Variants in ZNF534 observed in about 807,000 individuals in gnomAD.
The protein encoded by ZNF534 is KRAB domain only 3.
A neutral mutation model predicts 13.6 loss-of-function variants in ZNF534; 19 were observed. The ratio of observed to expected loss-of-function variants is 1.40; its 90% CI spans 0.97 to 2.05. The LOEUF (loss-of-function observed/expected upper bound fraction) is 2.05, where lower values mean the gene tolerates loss of function less well. Ranked by LOEUF, ZNF534 falls within the 30% of genes most tolerant of loss-of-function variation. The probability of loss-of-function intolerance (pLI) is 0.00; values close to 1 mark genes in which losing one functional copy is unlikely to be tolerated. For synonymous variants in ZNF534, 244 were observed against 273.8 expected (o/e 0.89, Z 1.07); for missense variants, 782 against 796.3 (o/e 0.98, Z 0.22).
chr19:52,451,708 T>C, exon 5 of ZNF534: 3 of 678,634 alleles, frequency 4.4e-6, no homozygotes, highest in South Asian at 1.8e-5. Context: ...AAGGTCTGGC[T>C]TGGCTGCAAA....
chr19:52,440,654 G>T lies in ZNF534; in HGVS notation c.*1208G>T, dbSNP rs2059166008. 6.9e-6 allele frequency among the ~76,000 whole-genome samples: 1 copy of T among 145,234 alleles called. No homozygotes were observed. The highest frequency in any genetic ancestry group is 7.1e-5 in the Admixed American group (1 of 14,112). The stretch of plus-strand genomic sequence containing the variant: ...AAAATAGCTGGGTGTGGTGGTGGGT[G>T]TCTGTAATCCCAGCTACTCAGGAGG... On this transcript the variant is annotated 3_prime_UTR_variant, in exon 5 of 5. Coordinates refer to ENST00000433050, the MANE Select transcript of ZNF534 (RefSeq NM_001143938.3).
downstream of ZNF534, among the ~76,000 whole-genome samples, chr19:52,445,715 T>TGATGATCCTCTGAAAACAAG (rs2059192265): frequency 3.6e-5 from 1 of 28,164 alleles, no homozygotes; most frequent in African/African-American, 9.1e-5. Flanking sequence ...CTTGGCTTCC[T>TGATGATCCTCTGAAAACAAG]AATTTACTCT....
At position 52,431,752 on chromosome 19, in the gene ZNF534, TGTG is replaced by T. The variant is rs201189034; in HGVS notation, c.15+267_15+269del. On this transcript the variant is annotated intron_variant, in intron 2 of 4. Transcript: ENST00000433050. ...ACGGATGGAGATGGGGTGTGGGCCT[TGTG>T]GTGTCAGTGCTGTTGGGCAGCAGGG... is the stretch of plus-strand genomic sequence containing the variant. 8.3e-3 allele frequency among the ~76,000 whole-genome samples: 1,262 copies of T among 152,102 alleles called. 22 individuals are homozygous for T. Among genetic ancestry groups the T allele is most frequent in the Middle Eastern group, 0.037 (11 of 294 alleles).
In ZNF534 at chr19:52,440,138, A is replaced by G. The variant is rs1325832179; in HGVS notation, c.*692A>G. ...AATATGGCAAAGAATTTCATATGAAATCATGCCTCTCTACCCATCTATTAA... is the reference window on the plus strand; with the variant it reads ...AATATGGCAAAGAATTTCATATGAAGTCATGCCTCTCTACCCATCTATTAA... On this transcript the variant is annotated 3_prime_UTR_variant, in exon 5 of 5. Coordinates refer to ENST00000433050, the MANE Select transcript of ZNF534 (RefSeq NM_001143938.3). Among the ~76,000 whole-genome samples, 1 of 152,160 alleles carries G rather than the reference A, an allele frequency of 6.6e-6. No individual in the cohort carries two copies. The highest frequency in any genetic ancestry group is 1.5e-5 in the Non-Finnish European group (1 of 68,036).
rs762611446 is a variant in ZNF534 at position 52,433,932 on chromosome 19, T to C, written c.16-23T>C. The stretch of plus-strand genomic sequence containing the variant: ...TAAGTACTCTCTCCATACCCTGTTT[T>C]TGAAATGTGGATTTCCTTTTAGGGG... On this transcript the variant is annotated intron_variant, in intron 2 of 4. Coordinates refer to ENST00000433050, the MANE Select transcript of ZNF534 (RefSeq NM_001143938.3). The C allele has an allele frequency of 1.5e-5, 25 of 1,613,556 alleles. No homozygotes were observed. The East Asian group carries it at 5.6e-4, about 36-fold the overall frequency.
chr19:52,448,834 A>T (rs2059203012), intron 4 of ZNF534, among the ~76,000 whole-genome samples: 1 of 152,234 alleles, frequency 6.6e-6, no homozygotes, highest in Admixed American at 6.5e-5. Context: ...TTAAATATCC[A>T]TCACCTCAAA....
intron 1 of ZNF534, among the ~76,000 whole-genome samples, chr19:52,430,483 A>T (rs1294375924): frequency 6.6e-6 from 1 of 152,086 alleles, no homozygotes; most frequent in Non-Finnish European, 1.5e-5. Context: ...AGAATTGAGC[A>T]CTGTGATCCA....
chr19:52,441,920 G>A lies in ZNF534; in HGVS notation c.*2474G>A, dbSNP rs2059175317. Among the ~76,000 whole-genome samples, 1 of 152,142 alleles carries A rather than the reference G, an allele frequency of 6.6e-6. No individual in the cohort carries two copies. Among genetic ancestry groups the A allele is most frequent in the South Asian group, 2.1e-4 (1 of 4,826 alleles). On this transcript the variant is annotated 3_prime_UTR_variant, in exon 5 of 5. Coordinates refer to ENST00000433050, the MANE Select transcript of ZNF534 (RefSeq NM_001143938.3). The stretch of plus-strand genomic sequence containing the variant: ...ATTCATGAAAGAGTCCTTACAAGCT[G>A]TGTACGGAAAGCTCGTCATGAGTTT...
In ZNF534 at chr19:52,439,396, A is replaced by C; in HGVS notation, c.1936A>C (p.Asn646His). ...CNECGKVFSKNSILVQHCSIH... is the reference protein window; with the variant it reads ...CNECGKVFSKHSILVQHCSIH... ...TGAATGTGGCAAGGTCTTTAGTAAA[A>C]ATTCCATCCTAGTACAACATTGCAG... The change falls in exon 5 of 5, where the codon AAT (asparagine) becomes CAT (histidine). Residue 646 changes from asparagine (N) to histidine (H), a missense_variant. Physicochemically the swap from Asn to His is moderately conservative, Grantham distance 68. Around this residue, in one of 5 missense-constraint regions of ZNF534, gnomAD observed 60 missense variants for 59.9 expected, o/e 1.00. Coordinates refer to ENST00000433050, the MANE Select transcript of ZNF534 (RefSeq NM_001143938.3). The C allele has an allele frequency of 6.5e-7, 1 of 1,549,692 alleles. No individual in the cohort carries two copies. Among genetic ancestry groups the C allele is most frequent in the Non-Finnish European group, 8.7e-7 (1 of 1,145,782 alleles).
chr19:52,434,103 A>G, intron 3 of ZNF534, 22 bp downstream of exon 3: 1 of 1,609,344 alleles, frequency 6.2e-7, no homozygotes, highest in Non-Finnish European at 8.5e-7. Flanking sequence ...GTCCGTCCAG[A>G]AGCCTGCATC....
chr19:52,450,691 G>T (rs7251506), intron 4 of ZNF534, among the ~76,000 whole-genome samples: 11,265 of 20,144 alleles, frequency 0.56, 2,849 homozygotes, highest in Non-Finnish European at 0.63. Context: ...TTTTGTTTTT[G>T]TTTTTGTTTT....
At chr19:52,445,004 A>G (rs1033228455), downstream of ZNF534, among the ~76,000 whole-genome samples, 2 of 152,090 alleles carry the variant, frequency 1.3e-5, no homozygotes, top group African/African-American at 4.8e-5. Context: ...ACGCTCTTCC[A>G]TGAGTTTTGG....
Position 52,441,643 on chromosome 19 carries a change from GC to G in ZNF534, c.*2198del. 6.6e-6 allele frequency among the ~76,000 whole-genome samples: 1 copy of G among 152,304 alleles called. No individual in the cohort carries two copies. The highest frequency in any genetic ancestry group is 1.5e-5 in the Non-Finnish European group (1 of 68,028). On this transcript the variant is annotated 3_prime_UTR_variant, in exon 5 of 5. Transcript: ENST00000433050. ...GACAAAGCATTTAGATAATGTTCAG[GC>G]TTTACTGCCCATCTTGTAATCCATA...
Position 52,439,432 on chromosome 19 carries a change from A to G in ZNF534, c.1972A>G (p.Arg658Gly). The G allele has an allele frequency of 6.6e-7, 1 of 1,517,790 alleles. No homozygotes were observed. Among genetic ancestry groups the G allele is most frequent in the Non-Finnish European group, 8.8e-7 (1 of 1,130,736 alleles). The allele number at this position is 1,517,790 out of a possible 1,614,324, so 94.0% of individuals were successfully genotyped here. The change falls in exon 5 of 5, where the codon AGA becomes GGA. Residue 658 changes from arginine (R) to glycine (G), a missense_variant. Physicochemically the swap from Arg to Gly is moderately radical, Grantham distance 125. This residue lies in a region of ZNF534 where 60 missense variants were observed against 59.9 expected (regional missense o/e 1.00). Coordinates refer to ENST00000433050, the MANE Select transcript of ZNF534 (RefSeq NM_001143938.3). ...ILVQHCSIHT[R>G]EKP ...AGTACAACATTGCAGTATTCATACC[A>G]GAGAGAAGCCTTAAAAATTTAGTGA...
intron 2 of ZNF534, among the ~76,000 whole-genome samples, chr19:52,433,041 G>C (rs1473635650): frequency 6.6e-6 from 1 of 151,856 alleles, no homozygotes; most frequent in African/African-American, 2.4e-5. Flanking sequence ...TTAGGCCTTT[G>C]AGACAAGCTT....
chr19:52,434,155 C>A (rs749197814), intron 3 of ZNF534, 74 bp downstream of exon 3: 1 of 1,562,990 alleles, frequency 6.4e-7, no homozygotes, highest in Admixed American at 2.0e-5. Context: ...GTGTGTCTCT[C>A]GGGAGCCCCT....
rs751552185 is a variant in ZNF534, at chr19:52,438,355, A to G, written c.895A>G (p.Lys299Glu). The G allele has an allele frequency of 6.2e-7, 1 of 1,613,420 alleles. No homozygotes were observed. Among genetic ancestry groups the G allele is most frequent in the South Asian group, 1.1e-5 (1 of 91,034 alleles). ...AATTCATACTGGAGAGAAGCCTTACAAATGTAGTGAATGTGGCAAAGCATT... is the reference window on the plus strand; with the variant it reads ...AATTCATACTGGAGAGAAGCCTTACGAATGTAGTGAATGTGGCAAAGCATT... Reference protein sequence around the residue: ...RKIHTGEKPYKCSECGKAFSV... With the variant: ...RKIHTGEKPYECSECGKAFSV... Residue 299 changes from lysine to glutamate, a missense_variant, in exon 5 of 5, where the codon AAA (lysine) becomes GAA (glutamate). Coordinates refer to ENST00000433050, the MANE Select transcript of ZNF534 (RefSeq NM_001143938.3).
downstream of ZNF534, among the ~76,000 whole-genome samples, chr19:52,445,169 C>T (rs1443935854): frequency 2.0e-5 from 3 of 150,072 alleles, no homozygotes; most frequent in African/African-American, 7.4e-5. Context: ...GAGAGCTTTT[C>T]CCGCTACCCT....
At chr19:52,451,562 G>A (rs2059216894) in exon 5 of ZNF534, 1 of 602,232 alleles carries the variant, frequency 1.7e-6, no homozygotes, top group South Asian at 2.1e-5. Flanking sequence ...GCAGCTCCGC[G>A]TTGCCTGGCT....
Sources: allele counts gnomAD v4.1 joint callset (sites outside exome capture counted in the v4.1 genomes callset), GRCh38; gene constraint gnomAD v4.1.1; regional missense constraint gnomAD v4.1.1; transcripts MANE v1.5; gene names NCBI Gene and HGNC (gene_info 2026-07-23, HGNC 2026-07-21).